The following CNTNAP4 variants were observed in gnomAD, a reference collection of about 807,000 sequenced individuals.
CNTNAP4 encodes contactin-associated protein-like 4.
A neutral mutation model predicts 148.4 loss-of-function variants in CNTNAP4; 98 were observed. That is an observed-to-expected ratio of 0.66 (90% CI 0.56 to 0.78). CNTNAP4 has a LOEUF of 0.78. Ranked by LOEUF, CNTNAP4 falls within the 30% of genes least tolerant of loss-of-function variation. The probability of loss-of-function intolerance (pLI) is 0.00; values close to 1 mark genes in which losing one functional copy is unlikely to be tolerated. For synonymous variants in CNTNAP4, 730 were observed against 565.1 expected, an observed-to-expected ratio of 1.29 and a Z score of -4.14; for missense variants, 1,935 against 1,565.6, an observed-to-expected ratio of 1.24 and a Z score of -3.98.
At chr16:76,290,674 C>G (rs901030948) in intron 1 of CNTNAP4, among the ~76,000 whole-genome samples, 3 of 152,190 alleles carry the variant, frequency 2.0e-5, no homozygotes, top group African/African-American at 7.2e-5. Context: ...GCAGCACTGC[C>G]TGACCAAGGC....
intron 4 of CNTNAP4, among the ~76,000 whole-genome samples, chr16:76,445,252 G>C (rs2080196390): frequency 6.6e-6 from 1 of 152,120 alleles, no homozygotes; most frequent in Non-Finnish European, 1.5e-5. Flanking sequence ...TACCTTAAGT[G>C]ACTCCAGCCT....
At chr16:76,485,415 C>T (rs35723729) in intron 12 of CNTNAP4, among the ~76,000 whole-genome samples, 51,294 of 152,178 alleles carry the variant, frequency 0.34, 9,913 homozygotes, top group Non-Finnish European at 0.42. Flanking sequence ...CTGTGCCCAG[C>T]CTTCATTGCT....
chr16:76,412,573 T>G (rs561382655), intron 3 of CNTNAP4, among the ~76,000 whole-genome samples: 104 of 151,588 alleles, frequency 6.9e-4, no homozygotes, highest in African/African-American at 2.5e-3. Context: ...GCCATTCTAG[T>G]TGGTGTGCAT....
At chr16:76,379,986 A>T (rs188408928) in intron 3 of CNTNAP4, among the ~76,000 whole-genome samples, 1 of 152,166 alleles carries the variant, frequency 6.6e-6, no homozygotes, top group Non-Finnish European at 1.5e-5. Context: ...TTGTCTATCT[A>T]CTTTAATGAC....
intron 21 of CNTNAP4, among the ~76,000 whole-genome samples, chr16:76,541,789 T>C (rs1279482213): frequency 6.6e-6 from 1 of 152,338 alleles, no homozygotes; most frequent in East Asian, 1.9e-4. Flanking sequence ...CAAGATTATG[T>C]GTTCTTATTC....
Position 76,553,501 on chromosome 16 carries a change from G to T in CNTNAP4, c.3661G>T (p.Asp1221Tyr). 6.2e-7 allele frequency: 1 copy of T among 1,604,958 alleles called. No individual in the cohort carries two copies. The highest frequency in any genetic ancestry group is 8.5e-7 in the Non-Finnish European group (1 of 1,174,566). Reference protein sequence around the residue: ...TSRERTHSFADHSGTIDDREP... With the variant: ...TSRERTHSFAYHSGTIDDREP... The stretch of plus-strand genomic sequence containing the variant: ...AAGGGAAAGGACACACTCGTTTGCA[G>T]GTGACTTAGAGTTCTTCCTCTACTC... The change falls in exon 22 of 24, where the codon GAT (aspartate) becomes TAT (tyrosine). Residue 1221 changes from aspartate (D) to tyrosine (Y), a missense_variant and splice_region_variant. Transcript: ENST00000611870.
intron 4 of CNTNAP4, among the ~76,000 whole-genome samples, chr16:76,433,273 A>G (rs529370711): frequency 1.1e-4 from 16 of 152,302 alleles, no homozygotes; most frequent in Middle Eastern, 3.4e-3. Flanking sequence ...AAGATCAGGA[A>G]TAAAGGTTAG....
At chr16:76,374,101 T>A (rs2015161478) in intron 3 of CNTNAP4, among the ~76,000 whole-genome samples, 1 of 152,162 alleles carries the variant, frequency 6.6e-6, no homozygotes, top group South Asian at 2.1e-4. Context: ...TTTCTCATAC[T>A]GAAACGTTGT....
chr16:76,319,742 G>C (rs944738192), intron 2 of CNTNAP4, among the ~76,000 whole-genome samples: 1 of 152,136 alleles, frequency 6.6e-6, no homozygotes, highest in Non-Finnish European at 1.5e-5. Context: ...TGCAAACCAA[G>C]AAATGCGAAG....
chr16:76,454,828 A>C (rs760222318), intron 8 of CNTNAP4, among the ~76,000 whole-genome samples: 119 of 152,314 alleles, frequency 7.8e-4, no homozygotes, highest in Admixed American at 1.6e-3. Context: ...ATCACATTGT[A>C]CTAAATCTTT....
rs924454063 is a variant in CNTNAP4 at position 76,448,835 on chromosome 16, C to T, written c.811C>T (p.His271Tyr). 19 of 1,612,716 alleles carry T rather than the reference C, an allele frequency of 1.2e-5. No homozygotes were observed. In the Admixed American group the frequency reaches 2.5e-4, roughly 21 times the overall value. The change falls in exon 6 of 24, where the codon CAT (histidine) becomes TAT (tyrosine). Residue 271 changes from histidine (H) to tyrosine (Y), a missense_variant. By Grantham distance (83) the His-to-Tyr change is moderately conservative (BLOSUM62 2). Coordinates refer to ENST00000611870, the MANE Select transcript of CNTNAP4 (RefSeq NM_033401.5). ...LTLGSLLDDQ[H>Y]WHSVLIQRLG... ...CCTGGGCAGCCTGCTAGATGATCAG[C>T]ATTGGCATTCAGTGCTCATCCAGCG...
At chr16:76,482,164 A>G (rs1324832063) in intron 12 of CNTNAP4, among the ~76,000 whole-genome samples, 1 of 152,074 alleles carries the variant, frequency 6.6e-6, no homozygotes, top group Non-Finnish European at 1.5e-5. Context: ...ATTGTACTTT[A>G]TAAGATACAA....
intron 8 of CNTNAP4, among the ~76,000 whole-genome samples, chr16:76,455,113 A>G (rs1018509410): frequency 6.6e-6 from 1 of 152,218 alleles, no homozygotes; most frequent in Non-Finnish European, 1.5e-5. Context: ...AGTATAAATC[A>G]TGAAACATAT....
At chr16:76,278,880 C>T (rs1027864920) in intron 1 of CNTNAP4, among the ~76,000 whole-genome samples, 12 of 152,160 alleles carry the variant, frequency 7.9e-5, no homozygotes, top group African/African-American at 2.7e-4. Context: ...CCTCACAGTA[C>T]CTGGCTCCCG....
At position 76,318,781 on chromosome 16, in the gene CNTNAP4, A is replaced by C. The variant is rs8056504; in HGVS notation, c.196+2258A>C. Among the ~76,000 whole-genome samples the C allele has an allele frequency of 6.0e-3, 873 of 145,418 alleles. 5 individuals are homozygous for C. Among genetic ancestry groups the C allele is most frequent in the African/African-American group, 0.016 (607 of 38,838 alleles). ...TATTCATAATAATAATCATAATCAT[A>C]ATAATTAATAATTATGAGAAATTAT... is the stretch of plus-strand genomic sequence containing the variant. On this transcript the variant is annotated intron_variant, in intron 2 of 23. Coordinates refer to ENST00000611870, the MANE Select transcript of CNTNAP4 (RefSeq NM_033401.5).
intron 3 of CNTNAP4, among the ~76,000 whole-genome samples, chr16:76,390,417 C>G (rs796728694): frequency 1.1e-4 from 17 of 152,244 alleles, no homozygotes; most frequent in African/African-American, 3.4e-4. Flanking sequence ...GGACTATATC[C>G]TTTTGCCAGG....
intron 8 of CNTNAP4, among the ~76,000 whole-genome samples, chr16:76,457,595 A>G (rs1023074028): frequency 6.6e-6 from 1 of 152,078 alleles, no homozygotes; most frequent in Admixed American, 6.6e-5. Context: ...TGCCTAACCA[A>G]TGACTGCCCA....
chr16:76,525,667 T>C (rs1597063207), intron 17 of CNTNAP4, among the ~76,000 whole-genome samples: 1 of 146,240 alleles, frequency 6.8e-6, no homozygotes. Flanking sequence ...TATATAGTTA[T>C]ATAATTTATA....
At chr16:76,424,019 C>T (rs1050047393) in intron 3 of CNTNAP4, among the ~76,000 whole-genome samples, 2 of 152,088 alleles carry the variant, frequency 1.3e-5, no homozygotes, top group Admixed American at 1.3e-4. Context: ...CACAATTTTC[C>T]TTACCCTCCA....
Sources: gnomAD v4.1 joint callset for allele counts (sites outside exome capture counted in the v4.1 genomes callset) on GRCh38, gnomAD v4.1.1 for gene constraint, MANE v1.5 for transcripts, NCBI Gene and HGNC (gene_info 2026-07-23, HGNC 2026-07-21) for gene names.